Variants in IGF2BP2 observed in about 807,000 individuals in gnomAD.
IGF2BP2 encodes the protein insulin like growth factor 2 mRNA binding protein 2.
IGF2BP2 carries 17 observed loss-of-function variants against 75.8 expected under a neutral mutation model. The observed-to-expected ratio is 0.22, with a 90% CI of 0.15 to 0.34. The LOEUF is 0.34. Among genes scored for constraint, IGF2BP2 ranks in the 10% least tolerant of loss-of-function variants. The pLI, the probability that IGF2BP2 is intolerant of heterozygous loss-of-function variation, is 1.00. For missense variants in IGF2BP2, 516 were observed against 772.4 expected (o/e 0.67, Z 3.93); for synonymous variants, 288 against 295.6 (o/e 0.97, Z 0.26).
At position 185,789,570 on chromosome 3, in the gene IGF2BP2, C is replaced by T. The variant is rs141177858; in HGVS notation, c.239+33583G>A. On this transcript the variant is annotated intron_variant, in intron 2 of 15. Coordinates refer to ENST00000382199, the MANE Select transcript of IGF2BP2 (RefSeq NM_006548.6). ...ATAAAAGGTGAGGAGAGCACGGAGCCACATAGGGCACACAGCTGTGTTTCA... is the reference window on the plus strand; with the variant it reads ...ATAAAAGGTGAGGAGAGCACGGAGCTACATAGGGCACACAGCTGTGTTTCA... 1.5e-4 allele frequency among the ~76,000 whole-genome samples: 23 copies of T among 152,002 alleles called. No homozygotes were observed. In the East Asian group the frequency reaches 4.3e-3, roughly 28 times the overall value.
At chr3:185,658,647 T>A (rs1046731988) in intron 10 of IGF2BP2, among the ~76,000 whole-genome samples, 3 of 152,172 alleles carry the variant, frequency 2.0e-5, no homozygotes, top group Non-Finnish European at 4.4e-5. Flanking sequence ...TAAATGTTCA[T>A]CATTTCTAAG....
At chr3:185,773,692 C>T (rs1734171676) in intron 2 of IGF2BP2, among the ~76,000 whole-genome samples, 1 of 152,154 alleles carries the variant, frequency 6.6e-6, no homozygotes, top group Non-Finnish European at 1.5e-5. Context: ...CTTATCCCTA[C>T]AGTACTTTAC....
intron 2 of IGF2BP2, among the ~76,000 whole-genome samples, chr3:185,789,727 ATTTT>A (rs10602691): frequency 0.097 from 10,837 of 111,530 alleles, 398 homozygotes; most frequent in African/African-American, 0.18. Context: ...ACAACCAGGA[ATTTT>A]TTTTTTTTTT....
At chr3:185,769,830 CAAAAAAAAAAAAA>C (rs35418660) in intron 2 of IGF2BP2, among the ~76,000 whole-genome samples, 2 of 77,172 alleles carry the variant, frequency 2.6e-5, no homozygotes, top group Non-Finnish European at 5.1e-5. Flanking sequence ...ACCCTGTCTC[CAAAAAAAAAAAAA>C]AAAAAAAAAA....
intron 2 of IGF2BP2, among the ~76,000 whole-genome samples, chr3:185,778,772 A>G (rs1180490289): frequency 6.6e-6 from 1 of 152,226 alleles, no homozygotes; most frequent in Non-Finnish European, 1.5e-5. Context: ...GAGTCAACCA[A>G]TACATGCTAT....
chr3:185,675,780 A>G lies in IGF2BP2; in HGVS notation c.935+11T>C, dbSNP rs1719246735. 1 of 1,611,932 alleles carries G rather than the reference A, an allele frequency of 6.2e-7. No individual in the cohort carries two copies. Among genetic ancestry groups the G allele is most frequent in the African/African-American group, 1.3e-5 (1 of 74,984 alleles). ...ATTATTGGGCATGAGTAATCTGAGT[A>G]AGTGGCTTACGATGAGATTGTTATC... is the stretch of plus-strand genomic sequence containing the variant. On this transcript the variant is annotated intron_variant, in intron 8 of 15. Transcript: ENST00000382199.
At chr3:185,812,119 C>T (rs1160161794) in intron 2 of IGF2BP2, among the ~76,000 whole-genome samples, 2 of 152,144 alleles carry the variant, frequency 1.3e-5, no homozygotes, top group African/African-American at 2.4e-5. Flanking sequence ...CACATTTGTT[C>T]GTTCTAACCA....
chr3:185,666,001 C>CATAGATAGATAGATAGATAG (rs57817338), intron 10 of IGF2BP2, among the ~76,000 whole-genome samples: 1 of 145,294 alleles, frequency 6.9e-6, no homozygotes, highest in Non-Finnish European at 1.5e-5. Flanking sequence ...TAGATAGGTA[C>CATAGATAGATAGATAGATAG]ATAGATAGAT....
Position 185,788,681 on chromosome 3 carries a change from T to C in IGF2BP2, c.239+34472A>G, listed in dbSNP as rs532376896. On this transcript the variant is annotated intron_variant, in intron 2 of 15. Transcript: ENST00000382199. ...AATAGAAATGTAATCTCAAGTCTAC[T>C]GGTTGTAAAGTCCAAAACTGACAAA... Among the ~76,000 whole-genome samples, 20 of 151,148 alleles carry C rather than the reference T, an allele frequency of 1.3e-4. No homozygotes were observed. The South Asian group carries it at 3.6e-3, about 27-fold the overall frequency.
intron 2 of IGF2BP2, among the ~76,000 whole-genome samples, chr3:185,701,329 A>G: frequency 6.6e-6 from 1 of 151,012 alleles, no homozygotes; most frequent in Non-Finnish European, 1.5e-5. Context: ...TTAATATACA[A>G]GACTTATTTT....
chr3:185,711,796 A>C (rs1050186928), intron 2 of IGF2BP2, among the ~76,000 whole-genome samples: 2 of 152,126 alleles, frequency 1.3e-5, no homozygotes, highest in South Asian at 4.1e-4. Context: ...AGCATGATTG[A>C]GAGAAGGAAG....
rs1377240990 is a variant in IGF2BP2 at position 185,696,707 on chromosome 3, T to C, written c.289-44A>G. ...ATGTCAGAATGGGAAGGCAAGATCA[T>C]ATGTACAAAAAATACTACAGTGATA... On this transcript the variant is annotated intron_variant, in intron 3 of 15. Transcript: ENST00000382199. 5.9e-6 allele frequency: 9 copies of C among 1,534,294 alleles called. No homozygotes were observed. In the African/African-American group the frequency reaches 6.8e-5, roughly 12 times the overall value.
chr3:185,685,794 A>G (rs1721039851), intron 7 of IGF2BP2, among the ~76,000 whole-genome samples: 1 of 152,166 alleles, frequency 6.6e-6, no homozygotes, highest in Admixed American at 6.5e-5. Context: ...GGTATACACC[A>G]CCATGTCTAA....
chr3:185,791,177 T>G (rs1234087772), intron 2 of IGF2BP2, among the ~76,000 whole-genome samples: 2 of 152,234 alleles, frequency 1.3e-5, no homozygotes, highest in Non-Finnish European at 2.9e-5. Context: ...GTTTTTAGTG[T>G]CTGACAGTGC....
At chr3:185,651,415 C>T (rs1294273706) in intron 13 of IGF2BP2, among the ~76,000 whole-genome samples, 1 of 151,674 alleles carries the variant, frequency 6.6e-6, no homozygotes, top group Non-Finnish European at 1.5e-5. Flanking sequence ...GCTCTATTGC[C>T]CAGCCTGTTC....
At chr3:185,676,144 C>T (rs1312604800) in intron 7 of IGF2BP2, among the ~76,000 whole-genome samples, 1 of 152,162 alleles carries the variant, frequency 6.6e-6, no homozygotes, top group Non-Finnish European at 1.5e-5. Context: ...GGAAGTGGAT[C>T]CATGAGGCTG....
chr3:185,786,507 C>T (rs1735908183), intron 2 of IGF2BP2, among the ~76,000 whole-genome samples: 1 of 152,136 alleles, frequency 6.6e-6, no homozygotes, highest in African/African-American at 2.4e-5. Flanking sequence ...CTTCTCCTGG[C>T]TCAGAAGCTC....
At position 185,684,899 on chromosome 3, in the gene IGF2BP2, G is replaced by A. The variant is rs1449485849; in HGVS notation, c.812+2158C>T. Among the ~76,000 whole-genome samples the A allele has an allele frequency of 2.6e-5, 4 of 151,830 alleles. No individual in the cohort carries two copies. The East Asian group carries it at 7.7e-4, about 29-fold the overall frequency. Reference sequence around the variant, plus strand: ...CTCATGGTTGTAGCCTCAACCTCCAGCAGTGATTAGCACAGTGTAGGCACT... The same window carrying A: ...CTCATGGTTGTAGCCTCAACCTCCAACAGTGATTAGCACAGTGTAGGCACT... On this transcript the variant is annotated intron_variant, in intron 7 of 15. Coordinates refer to ENST00000382199, the MANE Select transcript of IGF2BP2 (RefSeq NM_006548.6).
intron 2 of IGF2BP2, among the ~76,000 whole-genome samples, chr3:185,798,788 TTTTTTTC>T (rs1470494626): frequency 3.2e-5 from 4 of 125,716 alleles, no homozygotes; most frequent in South Asian, 2.7e-4. Context: ...TTCTTTTTTC[TTTTTTTC>T]TTTTTTTTTT....
Sources: gnomAD v4.1 joint callset for allele counts (sites outside exome capture counted in the v4.1 genomes callset) on GRCh38, gnomAD v4.1.1 for gene constraint, MANE v1.5 for transcripts, NCBI Gene and HGNC (gene_info 2026-07-23, HGNC 2026-07-21) for gene names.